The following JADE3 variants were observed in gnomAD, a reference collection of about 807,000 sequenced individuals.
JADE3 encodes jade family PHD finger 3, also known as protein Jade-3.
JADE3 carries 2 observed loss-of-function variants against 50.1 expected under a neutral mutation model. The observed-to-expected ratio is 0.04, with a 90% CI of 0.02 to 0.13. The LOEUF (loss-of-function observed/expected upper bound fraction) is 0.13. JADE3 is among the 10% of genes least tolerant of loss of function. JADE3 has a pLI of 1.00. For synonymous variants in JADE3, 218 were observed against 232.9 expected (o/e 0.94, Z 0.58); for missense variants, 475 against 634.4 (o/e 0.75, Z 2.70).
rs782058200 is a variant in JADE3, at chrX:47,038,953, G to C, written c.860G>C (p.Ser287Thr). Residue 287 changes from serine (S) to threonine (T), a missense_variant, in exon 8 of 11, where the codon AGC (serine) becomes ACC (threonine). Physicochemically the swap from Ser to Thr is moderately conservative, Grantham distance 58. This residue lies in a region of JADE3 where 54 missense variants were observed against 156.2 expected (regional missense o/e 0.35). Coordinates refer to ENST00000614628, the MANE Select transcript of JADE3 (RefSeq NM_014735.5). ...VSCALWIPEV[S>T]IACPERMEPI... ...ATGGTGGTATTTTATTTGTAGGTCA[G>C]CATTGCTTGTCCTGAGAGGATGGAA... 3 of 1,149,963 alleles carry C rather than the reference G, an allele frequency of 2.6e-6. No homozygotes were observed. The highest frequency in any genetic ancestry group is 3.6e-6 in the Non-Finnish European group (3 of 842,665). 94.8% of individuals were successfully genotyped at this position (1,149,963 alleles called of 1,213,427 possible).
intron 1 of JADE3, among the ~76,000 whole-genome samples, chrX:46,967,598 G>A (rs1927395048): frequency 9.0e-6 from 1 of 111,122 alleles, no homozygotes; most frequent in Admixed American, 9.6e-5. Context: ...ACAATTCAGG[G>A]GTAACTTGTT....
intron 4 of JADE3, among the ~76,000 whole-genome samples, chrX:47,024,171 C>G: frequency 8.9e-6 from 1 of 112,363 alleles, no homozygotes. Flanking sequence ...CAAGAACACA[C>G]TAATGTGACG....
intron 3 of JADE3, among the ~76,000 whole-genome samples, chrX:46,988,474 C>T (rs1927912894): frequency 9.0e-6 from 1 of 110,948 alleles, no homozygotes; most frequent in South Asian, 3.8e-4. Context: ...ATGTAGGGTA[C>T]AATAAGTATA....
intron 7 of JADE3, among the ~76,000 whole-genome samples, chrX:47,037,485 G>A (rs1602418017): frequency 1.8e-5 from 2 of 111,861 alleles, no homozygotes; most frequent in East Asian, 5.6e-4. Flanking sequence ...AAGTAAAAGT[G>A]TCCATTACGG....
intron 3 of JADE3, among the ~76,000 whole-genome samples, chrX:46,995,594 A>G (rs952574361): frequency 4.5e-5 from 5 of 111,895 alleles, no homozygotes; most frequent in African/African-American, 1.3e-4. Flanking sequence ...TCTCCTCACT[A>G]ATCGGGATTT....
intron 5 of JADE3, 88 bp downstream of exon 5, chrX:47,025,002 T>C (rs901245828): frequency 3.1e-5 from 14 of 449,474 alleles, no homozygotes; most frequent in Non-Finnish European, 5.2e-5. Context: ...TTTATTTTTG[T>C]TGCCTCCTTT....
At position 47,058,555 on chromosome X, in the gene JADE3, T is replaced by C; in HGVS notation, c.1950T>C (p.Ser650=). ...TTCAGGCTGCCCTCCATGGACAGTC[T>C]TCCATTGGGAATGGGAAAAGTCAGC... is the stretch of plus-strand genomic sequence containing the variant. ...LVLQAALHGQ[S]SIGNGKSQPN... is the part of the protein sequence containing the mutation. The change falls in exon 11 of 11, where the codon TCT becomes TCC. Residue 650 remains serine, a synonymous_variant. Transcript: ENST00000614628. The C allele has an allele frequency of 1.7e-6, 2 of 1,209,223 alleles. No individual in the cohort carries two copies. The highest frequency in any genetic ancestry group is 2.2e-6 in the Non-Finnish European group (2 of 894,987).
intron 8 of JADE3, among the ~76,000 whole-genome samples, chrX:47,053,031 G>A (rs1929552795): frequency 9.0e-6 from 1 of 110,707 alleles, no homozygotes; most frequent in East Asian, 2.9e-4. Flanking sequence ...ACTCCAGCCT[G>A]GGTGACAAAG....
chrX:47,006,368 G>A (rs988998425), intron 4 of JADE3, among the ~76,000 whole-genome samples: 10 of 109,923 alleles, frequency 9.1e-5, no homozygotes, highest in African/African-American at 1.3e-4. Flanking sequence ...ACTACAGCCT[G>A]GACCTTTTGG....
chrX:47,017,935 C>A (rs937388941), intron 4 of JADE3, among the ~76,000 whole-genome samples: 4 of 112,134 alleles, frequency 3.6e-5, no homozygotes, highest in Admixed American at 1.9e-4. Flanking sequence ...ATTTGTAGTT[C>A]TCTAGCTTTA....
Position 46,923,393 on chromosome X carries a change from C to CTTTTTTTT in JADE3, c.-12+10695_-12+10702dup, listed in dbSNP as rs782555482. ...ATTTCTTTTCTCTCTCTCTCTCTCT[C>CTTTTTTTT]TTTTTTTTTTTTTTTTTTTTTTTTT... On this transcript the variant is annotated intron_variant, in intron 1 of 10. Transcript: ENST00000614628. Among the ~76,000 whole-genome samples, 47 of 11,520 alleles carry CTTTTTTTT rather than the reference C, an allele frequency of 4.1e-3. 5 individuals carry two copies. The highest frequency in any genetic ancestry group is 4.9e-3 in the African/African-American group (25 of 5,051). 10.0% of individuals were successfully genotyped at this position (11,520 alleles called of 115,157 possible). A position where few individuals can be genotyped will look rare whatever the true frequency, so the allele number is the denominator to read the frequency against.
chrX:46,950,770 T>C lies in JADE3; in HGVS notation c.-11-34114T>C, dbSNP rs781937405. ...TCCTACCAATAATTCCTGGGAAATATAGCTTGTGTACTTGAAAAGCATGTA... is the reference window on the plus strand; with the variant it reads ...TCCTACCAATAATTCCTGGGAAATACAGCTTGTGTACTTGAAAAGCATGTA... On this transcript the variant is annotated intron_variant, in intron 1 of 10. Transcript: ENST00000614628. Among the ~76,000 whole-genome samples, 42 of 112,491 alleles carry C rather than the reference T, an allele frequency of 3.7e-4. No homozygotes were observed. In the South Asian group the frequency reaches 9.6e-3, roughly 26 times the overall value.
intron 1 of JADE3, among the ~76,000 whole-genome samples, chrX:46,917,794 G>A (rs1556336693): frequency 1.2e-4 from 4 of 33,811 alleles, no homozygotes; most frequent in Non-Finnish European, 2.0e-4. Context: ...TCTAATGGGA[G>A]GTCTGTCTCT....
At chrX:47,004,083 G>A (rs969537952) in intron 4 of JADE3, among the ~76,000 whole-genome samples, 30 of 107,521 alleles carry the variant, frequency 2.8e-4, no homozygotes, top group Middle Eastern at 9.6e-3. Context: ...TCATCGCCAC[G>A]CCCAGCTGAT....
intron 1 of JADE3, among the ~76,000 whole-genome samples, chrX:46,970,365 A>G (rs1602389235): frequency 8.9e-6 from 1 of 112,202 alleles, no homozygotes; most frequent in East Asian, 2.8e-4. Flanking sequence ...ATGGGCATTG[A>G]TCTGACCAGA....
At chrX:46,999,487 A>ACATATATATACATATATAACATATAT (rs1556358444) in intron 4 of JADE3, among the ~76,000 whole-genome samples, 9 of 103,184 alleles carry the variant, frequency 8.7e-5, no homozygotes, top group South Asian at 4.0e-4. Flanking sequence ...ATATATATAA[A>ACATATATATACATATATAACATATAT]ATAGGGTCTT....
intron 1 of JADE3, among the ~76,000 whole-genome samples, chrX:46,948,820 C>T (rs1384303645): frequency 8.9e-6 from 1 of 111,924 alleles, no homozygotes; most frequent in Admixed American, 9.5e-5. Flanking sequence ...CTTTCTTCTA[C>T]CGCAGGGGTT....
intron 8 of JADE3, among the ~76,000 whole-genome samples, chrX:47,039,511 A>G (rs782028793): frequency 2.7e-5 from 3 of 110,384 alleles, no homozygotes; most frequent in Non-Finnish European, 5.7e-5. Context: ...TCACCCATAT[A>G]GTGAGCATAG....
At chrX:47,053,843 T>C (rs1929572491) in intron 8 of JADE3, among the ~76,000 whole-genome samples, 1 of 111,996 alleles carries the variant, frequency 8.9e-6, no homozygotes, top group South Asian at 3.7e-4. Context: ...CATAGGGTGA[T>C]GTGGGAGACA....
Sources: allele counts gnomAD v4.1 joint callset (sites outside exome capture counted in the v4.1 genomes callset), GRCh38; gene constraint gnomAD v4.1.1; regional missense constraint gnomAD v4.1.1; transcripts MANE v1.5; gene names NCBI Gene and HGNC (gene_info 2026-07-23, HGNC 2026-07-21).